NAV3: variants seen among roughly 807,000 people sequenced by gnomAD.
The protein encoded by NAV3 is neuron navigator 3, also known as pore membrane and/or filament interacting like protein 1.
A neutral mutation model predicts 244.7 loss-of-function variants in NAV3; 87 were observed. That is an observed-to-expected ratio of 0.36 (90% CI 0.30 to 0.42). The LOEUF is 0.42. NAV3 is among the 20% of genes least tolerant of loss of function. NAV3 has a pLI of 1.00. For missense variants in NAV3, 2,663 were observed against 2,893.3 expected (o/e 0.92, Z 1.83); for synonymous variants, 1,126 against 1,042.2 (o/e 1.08, Z -1.55).
intron 12 of NAV3, among the ~76,000 whole-genome samples, chr12:78,092,605 T>G (rs1423174090): frequency 6.8e-6 from 1 of 146,102 alleles, no homozygotes; most frequent in Non-Finnish European, 1.5e-5. Context: ...GTTCACGCCA[T>G]TTTCCTGGCT....
At chr12:78,059,273 G>T (rs982632675) in intron 12 of NAV3, among the ~76,000 whole-genome samples, 158 bp downstream of exon 12, 11 of 151,716 alleles carry the variant, frequency 7.3e-5, no homozygotes, top group Middle Eastern at 3.4e-3. Flanking sequence ...GGGTTTTTTT[G>T]TTTGTTTGTT....
chr12:77,902,382 A>G lies in NAV3; in HGVS notation c.244-37937A>G, dbSNP rs115984966. ...ACTGAGCCTATGAAAAATACAGTAA[A>G]GAGATACATCCCATCAATACCTAAT... On this transcript the variant is annotated intron_variant, in intron 1 of 39. Coordinates refer to ENST00000397909, the MANE Select transcript of NAV3 (RefSeq NM_001024383.2). 3.5e-3 allele frequency among the ~76,000 whole-genome samples: 530 copies of G among 152,338 alleles called. 4 individuals are homozygous for G. Among genetic ancestry groups the G allele is most frequent in the African/African-American group, 0.012 (508 of 41,578 alleles).
intron 1 of NAV3, among the ~76,000 whole-genome samples, chr12:77,899,842 C>T (rs1038065008): frequency 1.3e-5 from 2 of 152,102 alleles, no homozygotes; most frequent in African/African-American, 4.8e-5. Context: ...ATTAGTAATA[C>T]ATATTTCTTT....
rs1958474658 is a variant in NAV3 at position 78,181,015 on chromosome 12, A to G, written c.5662A>G (p.Asn1888Asp). 1 of 1,612,978 alleles carries G rather than the reference A, an allele frequency of 6.2e-7. No individual in the cohort carries two copies. Among genetic ancestry groups the G allele is most frequent in the African/African-American group, 1.3e-5 (1 of 74,832 alleles). Residue 1888 changes from asparagine (N) to aspartate (D), a missense_variant, in exon 30 of 40, where the codon AAT becomes GAT. By Grantham distance (23) the Asn-to-Asp change is conservative. Coordinates refer to ENST00000397909, the MANE Select transcript of NAV3 (RefSeq NM_001024383.2). Reference protein sequence around the residue: ...SRQSLGLSLNNLNITEAVSSD... With the variant: ...SRQSLGLSLNDLNITEAVSSD... ...GCAGTCATTAGGACTTTCTCTAAAC[A>G]ATTTGAACATCACAGAGGCTGTTAG...
chr12:78,148,979 A>G, intron 22 of NAV3, 60 bp downstream of exon 22: 1 of 1,383,550 alleles, frequency 7.2e-7, no homozygotes, highest in East Asian at 2.5e-5. Context: ...AAATGAAATC[A>G]TTTTAGTAAC....
chr12:77,866,266 G>C (rs1282973767), intron 1 of NAV3, among the ~76,000 whole-genome samples: 1 of 152,270 alleles, frequency 6.6e-6, no homozygotes, highest in South Asian at 2.1e-4. Context: ...TTCTATTGAA[G>C]AATTGAAAGT....
In NAV3 at chr12:78,211,368, A is replaced by C. The variant is rs1313747896; in HGVS notation, c.*851A>C. 1 of 152,632 alleles carries C rather than the reference A, an allele frequency of 6.6e-6. No homozygotes were observed. Among genetic ancestry groups the C allele is most frequent in the African/African-American group, 2.4e-5 (1 of 41,460 alleles). The allele number at this position is 152,632 out of a possible 1,614,324, so 9.5% of individuals were successfully genotyped here. The stretch of plus-strand genomic sequence containing the variant: ...TAAAACAGATTTCTATGACAGTTTA[A>C]CAGTTGGTTTAAATCCTAAACCATT... On this transcript the variant is annotated 3_prime_UTR_variant, in exon 40 of 40. Coordinates refer to ENST00000397909, the MANE Select transcript of NAV3 (RefSeq NM_001024383.2).
intron 1 of NAV3, among the ~76,000 whole-genome samples, chr12:77,928,971 A>G (rs911284236): frequency 8.5e-5 from 13 of 152,188 alleles, no homozygotes; most frequent in South Asian, 4.1e-4. Context: ...CAGGAGGTCA[A>G]TGTTGATTAT....
chr12:77,955,496 A>G (rs139082492), intron 3 of NAV3, among the ~76,000 whole-genome samples: 11 of 152,248 alleles, frequency 7.2e-5, no homozygotes, highest in African/African-American at 2.6e-4. Flanking sequence ...TCGAAATAAC[A>G]TATCTTTGTT....
chr12:77,989,608 A>G (rs932546392), intron 5 of NAV3, among the ~76,000 whole-genome samples: 10 of 152,322 alleles, frequency 6.6e-5, no homozygotes, highest in Non-Finnish European at 1.5e-4. Flanking sequence ...CAGCTGGTAC[A>G]ATGTATTCTG....
chr12:77,821,636 T>C (rs1375324421), intron 2 of NAV3, among the ~76,000 whole-genome samples: 1 of 152,192 alleles, frequency 6.6e-6, no homozygotes, highest in Non-Finnish European at 1.5e-5. Flanking sequence ...CTCTTTTATG[T>C]TTTAGCCAAT....
intron 2 of NAV3, among the ~76,000 whole-genome samples, chr12:77,798,808 C>T (rs185950232): frequency 1.3e-5 from 2 of 152,140 alleles, no homozygotes; most frequent in Admixed American, 1.3e-4. Flanking sequence ...TAAATATGTA[C>T]CAATGAAGGC....
At chr12:77,962,721 A>G (rs1038402641) in intron 3 of NAV3, among the ~76,000 whole-genome samples, 11 of 152,204 alleles carry the variant, frequency 7.2e-5, no homozygotes, top group African/African-American at 2.4e-4. Context: ...ATTACCATCC[A>G]TTAATGGACC....
chr12:78,058,377 C>T lies in NAV3; in HGVS notation c.2517-619C>T, dbSNP rs537806078. On this transcript the variant is annotated intron_variant, in intron 11 of 39. Coordinates refer to ENST00000397909, the MANE Select transcript of NAV3 (RefSeq NM_001024383.2). ...TCCCATTTATAAAACCATCAGATCT[C>T]GTCAGACTTACTACCAGGAGAACAA... Among the ~76,000 whole-genome samples, 11 of 152,230 alleles carry T rather than the reference C, an allele frequency of 7.2e-5. No individual in the cohort carries two copies. The East Asian group carries it at 9.7e-4, about 13-fold the overall frequency.
At chr12:78,117,160 TATATATATATATATATATATATA>T (rs1955430493) in intron 13 of NAV3, among the ~76,000 whole-genome samples, 27 of 108,780 alleles carry the variant, frequency 2.5e-4, no homozygotes, top group Admixed American at 7.8e-4. Context: ...AGAAGCAGCA[TATATATATATATATATATATATA>T]TATATATATA....
chr12:77,871,494 G>T (rs1029341201), intron 1 of NAV3, among the ~76,000 whole-genome samples: 10 of 152,076 alleles, frequency 6.6e-5, no homozygotes, highest in African/African-American at 2.4e-4. Context: ...GTGTCCATTT[G>T]TTCTCATTGT....
intron 2 of NAV3, among the ~76,000 whole-genome samples, chr12:77,667,581 C>G (rs574650544): frequency 6.6e-6 from 1 of 152,122 alleles, no homozygotes; most frequent in African/African-American, 2.4e-5. Flanking sequence ...TCCCATCCCC[C>G]ACAGTAGTCA....
chr12:78,176,849 T>A (rs1958249345), intron 26 of NAV3, among the ~76,000 whole-genome samples: 1 of 152,228 alleles, frequency 6.6e-6, no homozygotes, highest in South Asian at 2.1e-4. Flanking sequence ...GGAATGGAGA[T>A]CCCTTCAAGG....
intron 31 of NAV3, 95 bp downstream of exon 31, chr12:78,185,793 C>A: frequency 2.9e-6 from 3 of 1,042,816 alleles, no homozygotes; most frequent in Non-Finnish European, 2.8e-6. Context: ...GGTAAATATC[C>A]TACAACAATT....
Sources: allele counts gnomAD v4.1 joint callset (sites outside exome capture counted in the v4.1 genomes callset), GRCh38; gene constraint gnomAD v4.1.1; transcripts MANE v1.5; gene names NCBI Gene and HGNC (gene_info 2026-07-23, HGNC 2026-07-21).